LRP2: variants seen among roughly 807,000 people sequenced by gnomAD.
The protein encoded by LRP2 is low-density lipoprotein receptor-related protein 2.
Under a neutral mutation model 531.0 loss-of-function variants are expected in LRP2, and 172 were observed. The ratio of observed to expected loss-of-function variants is 0.32; its 90% CI spans 0.29 to 0.37. The LOEUF is 0.37. Among genes scored for constraint, LRP2 ranks in the 10% least tolerant of loss-of-function variants. The pLI, the probability that LRP2 is intolerant of heterozygous loss-of-function variation, is 1.00. For missense variants in LRP2, 5,167 were observed against 5,868.3 expected (o/e 0.88, Z 3.90); for synonymous variants, 1,992 against 2,027.6 (o/e 0.98, Z 0.47).
At chr2:169,349,196 G>A (rs1266505287) in intron 1 of LRP2, among the ~76,000 whole-genome samples, 1 of 152,150 alleles carries the variant, frequency 6.6e-6, no homozygotes, top group Non-Finnish European at 1.5e-5. Flanking sequence ...GTCAGATGGT[G>A]GTAAGCGCAA....
At position 169,292,382 on chromosome 2, in the gene LRP2, A is replaced by G. The variant is rs774379598; in HGVS notation, c.653-13T>C. The stretch of plus-strand genomic sequence containing the variant: ...CAGGTCGGATAGTCTGGAATAAAGC[A>G]ACAGCTGCACTCCAAAGACACAAAT... On this transcript the variant is annotated splice_polypyrimidine_tract_variant and intron_variant, in intron 6 of 78. Transcript: ENST00000649046. 1 of 1,522,262 alleles carries G rather than the reference A, an allele frequency of 6.6e-7. No homozygotes were observed. The highest frequency in any genetic ancestry group is 1.4e-5 in the African/African-American group (1 of 73,228). 94.3% of individuals were successfully genotyped at this position (1,522,262 alleles called of 1,614,324 possible).
chr2:169,308,724 T>C (rs903048728), intron 3 of LRP2, among the ~76,000 whole-genome samples: 1 of 152,196 alleles, frequency 6.6e-6, no homozygotes, highest in African/African-American at 2.4e-5. Context: ...TTATAATCCT[T>C]TGGGTATATA....
intron 1 of LRP2, among the ~76,000 whole-genome samples, chr2:169,355,379 T>G (rs1411995311): frequency 6.6e-6 from 1 of 152,222 alleles, no homozygotes; most frequent in Non-Finnish European, 1.5e-5. Context: ...TCTGATAAGG[T>G]ATACTGAACA....
Position 169,165,936 on chromosome 2 carries a change from C to T in LRP2, c.11754G>A (p.Glu3918=), listed in dbSNP as rs149943779. The T allele has an allele frequency of 7.5e-5, 121 of 1,613,900 alleles. No homozygotes were observed. The highest frequency in any genetic ancestry group is 9.3e-5 in the Non-Finnish European group (110 of 1,179,914). Residue 3918 remains glutamate, a synonymous_variant, in exon 62 of 79, where the codon GAG becomes GAA. Transcript: ENST00000649046. The part of the protein sequence containing the change: ...DCGDGTDETE[E]HCRKPTPKPC... ...TCCCTTTTGACTTTTGCTTACAGTG[C>T]TCCTCTGTCTCATCAGTTCCATCTC...
rs564115341 is a variant in LRP2 at position 169,324,860 on chromosome 2, T to C, written c.80-3976A>G. On this transcript the variant is annotated intron_variant, in intron 1 of 78. Transcript: ENST00000649046. ...GGCACAGCACCGGGTGCTTATGGAA[T>C]AGCTAATGCATGTTCGTCAGGAAGT... 3.3e-5 allele frequency among the ~76,000 whole-genome samples: 5 copies of C among 152,290 alleles called. No homozygotes were observed. In the East Asian group the frequency reaches 9.6e-4, roughly 29 times the overall value.
intron 1 of LRP2, among the ~76,000 whole-genome samples, chr2:169,335,728 G>T (rs1685385808): frequency 6.6e-6 from 1 of 152,092 alleles, no homozygotes; most frequent in Admixed American, 6.6e-5. Context: ...CTAAAAGCAT[G>T]AAAGGCCAGG....
intron 68 of LRP2, among the ~76,000 whole-genome samples, chr2:169,147,206 C>T: frequency 6.6e-6 from 1 of 152,134 alleles, no homozygotes; most frequent in East Asian, 1.9e-4. Context: ...ATATTCAGAC[C>T]CTTTAAAATG....
chr2:169,326,207 T>C (rs1574259244), intron 1 of LRP2, among the ~76,000 whole-genome samples: 2 of 54,006 alleles, frequency 3.7e-5, no homozygotes, highest in Non-Finnish European at 3.4e-5. Context: ...CTCTCCCCTC[T>C]CCCCTCTCCC....
chr2:169,159,681 C>T (rs548185978), intron 63 of LRP2, among the ~76,000 whole-genome samples: 1 of 152,112 alleles, frequency 6.6e-6, no homozygotes, highest in African/African-American at 2.4e-5. Context: ...CCTTACTGTC[C>T]TTTGAATTTC....
intron 16 of LRP2, among the ~76,000 whole-genome samples, chr2:169,265,165 G>C (rs954509521): frequency 6.6e-6 from 1 of 151,246 alleles, no homozygotes; most frequent in Non-Finnish European, 1.5e-5. Context: ...CATCTATGGA[G>C]GAGAAATTAA....
rs1034386200 is a variant in LRP2 at position 169,177,734 on chromosome 2, G to A, written c.10393+69C>T. On this transcript the variant is annotated intron_variant, in intron 53 of 78. Transcript: ENST00000649046. Reference sequence around the variant, plus strand: ...ACTTTTTGTAAATCACGAAGTTCATGCTTAAAGACAATCATGACATGCACA... The same window carrying A: ...ACTTTTTGTAAATCACGAAGTTCATACTTAAAGACAATCATGACATGCACA... 6.1e-6 allele frequency: 8 copies of A among 1,308,198 alleles called. No individual in the cohort carries two copies. The Admixed American group carries it at 1.2e-4, about 19-fold the overall frequency. 81.0% of individuals were successfully genotyped at this position (1,308,198 alleles called of 1,614,324 possible).
chr2:169,196,476 C>T (rs1688008379), intron 46 of LRP2, among the ~76,000 whole-genome samples: 1 of 152,182 alleles, frequency 6.6e-6, no homozygotes, highest in African/African-American at 2.4e-5. Flanking sequence ...TGCTCATAAA[C>T]TGGCACAGAG....
intron 40 of LRP2, 21 bp downstream of exon 40, chr2:169,206,002 A>G: frequency 6.2e-7 from 1 of 1,614,190 alleles, no homozygotes; most frequent in South Asian, 1.1e-5. Flanking sequence ...CAGAAATATA[A>G]CAAGGAAGAT....
chr2:169,168,912 T>A (rs1442984342), intron 60 of LRP2, among the ~76,000 whole-genome samples: 1 of 152,330 alleles, frequency 6.6e-6, no homozygotes, highest in Admixed American at 6.5e-5. Context: ...AGCACTGGAC[T>A]TAATCTCTAC....
In LRP2 at chr2:169,193,810, A is replaced by G. The variant is rs1466300637; in HGVS notation, c.8781T>C (p.Gly2927=). The part of the protein sequence containing the change: ...RCIPSEWICD[G]DNDCGDMSDE... ...CACTCATATCCCCACAGTCATTATCACCGTCACAGATCCATTCGCTTGGGA... is the reference window on the plus strand; with the variant it reads ...CACTCATATCCCCACAGTCATTATCGCCGTCACAGATCCATTCGCTTGGGA... The change falls in exon 47 of 79, where the codon GGT becomes GGC. Residue 2927 remains glycine (G), a synonymous_variant. Coordinates refer to ENST00000649046, the MANE Select transcript of LRP2 (RefSeq NM_004525.3). The G allele has an allele frequency of 6.2e-7, 1 of 1,614,130 alleles. No homozygotes were observed. The highest frequency in any genetic ancestry group is 8.5e-7 in the Non-Finnish European group (1 of 1,180,024).
At chr2:169,320,670 T>A in intron 2 of LRP2, 107 bp downstream of exon 2, 1 of 896,216 alleles carries the variant, frequency 1.1e-6, no homozygotes, top group Non-Finnish European at 1.9e-6. Flanking sequence ...GGCCCAGACC[T>A]GGCTCTGTCA....
In LRP2 at chr2:169,173,214, G is replaced by C; in HGVS notation, c.11025C>G (p.Ala3675=). The change falls in exon 57 of 79, where the codon GCC becomes GCG. Residue 3675 remains alanine, a synonymous_variant. Coordinates refer to ENST00000649046, the MANE Select transcript of LRP2 (RefSeq NM_004525.3). ...DEPIEECMSS[A]HLCDNFTEFS... ...ATTCTGTGAAGTTGTCACAGAGATGGGCAGAGCTCACTGAAAAGGGAGGAG... is the reference window on the plus strand; with the variant it reads ...ATTCTGTGAAGTTGTCACAGAGATGCGCAGAGCTCACTGAAAAGGGAGGAG... 6 of 1,614,162 alleles carry C rather than the reference G, an allele frequency of 3.7e-6. No individual in the cohort carries two copies. Among genetic ancestry groups the C allele is most frequent in the Non-Finnish European group, 5.1e-6 (6 of 1,180,032 alleles).
intron 1 of LRP2, among the ~76,000 whole-genome samples, chr2:169,345,299 G>C (rs1685667405): frequency 6.6e-6 from 1 of 152,162 alleles, no homozygotes; most frequent in South Asian, 2.1e-4. Flanking sequence ...TACTGAAAGA[G>C]CTGCCTTCTT....
At chr2:169,242,187 A>AT (rs1460333131) in intron 24 of LRP2, among the ~76,000 whole-genome samples, 8 of 111,936 alleles carry the variant, frequency 7.1e-5, no homozygotes, top group African/African-American at 2.8e-4. Flanking sequence ...ATGAAAACTT[A>AT]CTTTTTTGGT....
Sources: allele counts gnomAD v4.1 joint callset (sites outside exome capture counted in the v4.1 genomes callset), GRCh38; gene constraint gnomAD v4.1.1; transcripts MANE v1.5; gene names NCBI Gene and HGNC (gene_info 2026-07-23, HGNC 2026-07-21).